PPP2R2B: variants seen among roughly 807,000 people sequenced by gnomAD.
PPP2R2B encodes the protein protein phosphatase 2 regulatory subunit Bbeta, also known as serine/threonine-protein phosphatase 2A 55 kDa regulatory subunit B beta isoform.
In PPP2R2B, 5 loss-of-function variants were observed where a neutral mutation model predicts 46.0. The observed-to-expected ratio is 0.11, with a 90% CI of 0.06 to 0.23. The LOEUF is 0.23. PPP2R2B is among the 10% of genes least tolerant of loss of function. The probability of loss-of-function intolerance (pLI) is 1.00; values close to 1 mark genes in which losing one functional copy is unlikely to be tolerated. For synonymous variants in PPP2R2B, 215 were observed against 206.7 expected, an observed-to-expected ratio of 1.04 and a Z score of -0.34; for missense variants, 367 against 575.0, an observed-to-expected ratio of 0.64 and a Z score of 3.70.
intron 1 of PPP2R2B, among the ~76,000 whole-genome samples, chr5:146,896,864 G>T (rs1762660771): frequency 6.6e-6 from 1 of 152,116 alleles, no homozygotes; most frequent in Non-Finnish European, 1.5e-5. Flanking sequence ...GTCAAAAAAA[G>T]ATGGCTTTTG....
chr5:146,685,348 G>A (rs1778425924), intron 5 of PPP2R2B, among the ~76,000 whole-genome samples: 1 of 152,212 alleles, frequency 6.6e-6, no homozygotes, highest in South Asian at 2.1e-4. Context: ...GGATGCCTAA[G>A]TCACAGAATG....
intron 7 of PPP2R2B, among the ~76,000 whole-genome samples, chr5:146,617,625 C>T (rs191896382): frequency 8.6e-5 from 13 of 151,742 alleles, no homozygotes; most frequent in Non-Finnish European, 1.2e-4. Context: ...ACCATGCCTA[C>T]GCTCCTTCAA....
intron 2 of PPP2R2B, among the ~76,000 whole-genome samples, chr5:146,770,082 AT>A (rs1754747795): frequency 6.6e-6 from 1 of 152,128 alleles, no homozygotes; most frequent in Non-Finnish European, 1.5e-5. Flanking sequence ...TAATCCTAGC[AT>A]TTTGGGAGGC....
At chr5:147,031,408 T>C (rs1755776967) in intron 1 of PPP2R2B, among the ~76,000 whole-genome samples, 1 of 152,132 alleles carries the variant, frequency 6.6e-6, no homozygotes, top group South Asian at 2.1e-4. Context: ...CATAGTAGTA[T>C]GTGTTTCTCT....
At chr5:146,837,750 T>C (rs161024) in intron 2 of PPP2R2B, among the ~76,000 whole-genome samples, 152,333 of 152,342 alleles carry the variant, frequency 1, 76,162 homozygotes, top group Middle Eastern at 1. Context: ...ACTTTCAGCA[T>C]ATCTCAAATG....
At position 146,742,868 on chromosome 5, in the gene PPP2R2B, G is replaced by A. The variant is rs573659961; in HGVS notation, c.71-41726C>T. Among the ~76,000 whole-genome samples, 109 of 152,236 alleles carry A rather than the reference G, an allele frequency of 7.2e-4. 1 individual carries two copies. The highest frequency in any genetic ancestry group is 2.6e-3 in the African/African-American group (106 of 41,536). On this transcript the variant is annotated intron_variant, in intron 2 of 9. Coordinates refer to ENST00000394411, the MANE Select transcript of PPP2R2B (RefSeq NM_181675.4). ...CACACAGGGAGAATAGCACATGAAG[G>A]CGATGAAGGCGAAGGCAGAGATGGG...
intron 2 of PPP2R2B, among the ~76,000 whole-genome samples, chr5:146,852,409 T>G (rs554346124): frequency 6.6e-6 from 1 of 152,286 alleles, no homozygotes; most frequent in East Asian, 1.9e-4. Flanking sequence ...TATGTGAAAC[T>G]GTTTGCATTT....
At chr5:146,889,473 A>G (rs1762426393) in intron 1 of PPP2R2B, among the ~76,000 whole-genome samples, 1 of 152,190 alleles carries the variant, frequency 6.6e-6, no homozygotes, top group Non-Finnish European at 1.5e-5. Context: ...AAAACTCTAA[A>G]TACGAGGTTC....
At chr5:146,643,145 T>C (rs553709312) in intron 6 of PPP2R2B, among the ~76,000 whole-genome samples, 24 of 152,036 alleles carry the variant, frequency 1.6e-4, no homozygotes, top group African/African-American at 5.8e-4. Context: ...GTATATACAG[T>C]CTGACCAAGA....
At chr5:146,754,898 C>A (rs1273984688) in intron 2 of PPP2R2B, among the ~76,000 whole-genome samples, 1 of 152,062 alleles carries the variant, frequency 6.6e-6, no homozygotes, top group East Asian at 1.9e-4. Flanking sequence ...TGGCTTAGAC[C>A]CTGACTACAA....
chr5:147,040,052 GA>G (rs1756221275), intron 1 of PPP2R2B, among the ~76,000 whole-genome samples: 1 of 152,102 alleles, frequency 6.6e-6, no homozygotes, highest in African/African-American at 2.4e-5. Context: ...GGCAAGCTTT[GA>G]GAGCCTCACT....
At chr5:146,932,286 C>A (rs1402324877) in intron 1 of PPP2R2B, among the ~76,000 whole-genome samples, 1 of 152,056 alleles carries the variant, frequency 6.6e-6, no homozygotes. Flanking sequence ...TTTGAATTAC[C>A]AAAGATATTA....
intron 2 of PPP2R2B, among the ~76,000 whole-genome samples, chr5:146,822,183 A>G (rs1758303021): frequency 6.6e-6 from 1 of 152,248 alleles, no homozygotes; most frequent in Admixed American, 6.5e-5. Flanking sequence ...ATGCCAGAAG[A>G]AGGACTGGCT....
chr5:146,916,141 C>A (rs1024416898), intron 1 of PPP2R2B, among the ~76,000 whole-genome samples: 1 of 152,074 alleles, frequency 6.6e-6, no homozygotes, highest in Non-Finnish European at 1.5e-5. Context: ...ACGGTTTGTA[C>A]TTAAATATCT....
At chr5:146,824,430 G>A (rs1200115245) in intron 2 of PPP2R2B, among the ~76,000 whole-genome samples, 7 of 152,202 alleles carry the variant, frequency 4.6e-5, no homozygotes, top group African/African-American at 1.7e-4. Context: ...CAATTTGTGA[G>A]TTAGCTCTTT....
At chr5:146,877,755 G>A (rs1761980082) in intron 2 of PPP2R2B, among the ~76,000 whole-genome samples, 1 of 152,132 alleles carries the variant, frequency 6.6e-6, no homozygotes, top group East Asian at 1.9e-4. Context: ...CCCTGAAAAA[G>A]CCTAATCCCT....
At chr5:146,729,735 T>TATTGAGCCTGTGGGTGCACAGA (rs1160049832) in intron 2 of PPP2R2B, among the ~76,000 whole-genome samples, 1 of 152,130 alleles carries the variant, frequency 6.6e-6, no homozygotes, top group Admixed American at 6.5e-5. Flanking sequence ...TTCCATGTGG[T>TATTGAGCCTGTGGGTGCACAGA]ATTGAGCCTG....
Position 146,800,788 on chromosome 5 carries a change from A to C in PPP2R2B, c.70+77214T>G, listed in dbSNP as rs141546613. ...TAGGGGGGCTCTCCAAGGAAGTGAA[A>C]TCAGGATCTCCAAGAGAGATCCACA... On this transcript the variant is annotated intron_variant, in intron 2 of 9. Transcript: ENST00000394411. Among the ~76,000 whole-genome samples the C allele has an allele frequency of 3.9e-5, 6 of 152,072 alleles. No homozygotes were observed. In the East Asian group the frequency reaches 1.2e-3, roughly 30 times the overall value.
At chr5:146,627,098 G>C (rs1159849063) in intron 7 of PPP2R2B, among the ~76,000 whole-genome samples, 1 of 152,178 alleles carries the variant, frequency 6.6e-6, no homozygotes, top group Non-Finnish European at 1.5e-5. Context: ...GGTGGTATCA[G>C]TGAATTCTGC....
Sources: gnomAD v4.1 joint callset for allele counts (sites outside exome capture counted in the v4.1 genomes callset) on GRCh38, gnomAD v4.1.1 for gene constraint, MANE v1.5 for transcripts, NCBI Gene and HGNC (gene_info 2026-07-23, HGNC 2026-07-21) for gene names.